The following ANTXR1 variants were observed in gnomAD, a reference collection of about 807,000 sequenced individuals.
ANTXR1 encodes anthrax toxin receptor 1.
A neutral mutation model predicts 78.1 loss-of-function variants in ANTXR1; 19 were observed. That is an observed-to-expected ratio of 0.24 (90% CI 0.17 to 0.36). The LOEUF (loss-of-function observed/expected upper bound fraction) is 0.36. Ranked by LOEUF, ANTXR1 falls within the 10% of genes least tolerant of loss-of-function variation. The pLI, the probability that ANTXR1 is intolerant of heterozygous loss-of-function variation, is 1.00. For missense variants in ANTXR1, 518 were observed against 718.6 expected (o/e 0.72, Z 3.19); for synonymous variants, 273 against 260.5 (o/e 1.05, Z -0.46).
intron 12 of ANTXR1, chr2:69,145,683 GTTTC>G (rs1387171485): frequency 5.4e-5 from 61 of 1,138,614 alleles, no homozygotes; most frequent in Admixed American, 1.8e-4. Context: ...GGATTTCACA[GTTTC>G]TTTATTTTGA....
chr2:69,205,762 C>T (rs1001769548), intron 17 of ANTXR1, among the ~76,000 whole-genome samples: 34 of 152,164 alleles, frequency 2.2e-4, no homozygotes, highest in Admixed American at 7.2e-4. Flanking sequence ...ATGAATCCTC[C>T]GTCTCTTAAT....
intron 4 of ANTXR1, among the ~76,000 whole-genome samples, chr2:69,071,171 T>G (rs532541784): frequency 6.6e-6 from 1 of 152,266 alleles, no homozygotes; most frequent in East Asian, 1.9e-4. Flanking sequence ...AAGACATCAA[T>G]CCATGTTGAC....
intron 12 of ANTXR1, among the ~76,000 whole-genome samples, chr2:69,146,584 GA>G (rs1673231664): frequency 6.6e-6 from 1 of 152,338 alleles, no homozygotes; most frequent in East Asian, 1.9e-4. Context: ...TGCTGGGCTG[GA>G]CAGGTCAGCT....
chr2:69,023,317 G>A (rs1031689785), intron 1 of ANTXR1, among the ~76,000 whole-genome samples: 4 of 152,162 alleles, frequency 2.6e-5, no homozygotes, highest in African/African-American at 9.7e-5. Flanking sequence ...TGATGGTGAT[G>A]GTAGTGGTGA....
intron 17 of ANTXR1, among the ~76,000 whole-genome samples, chr2:69,226,630 G>T (rs952670092): frequency 1.3e-5 from 2 of 152,142 alleles, no homozygotes; most frequent in Non-Finnish European, 2.9e-5. Flanking sequence ...TCCTGGTAAG[G>T]GTTTGTGCAA....
At chr2:69,077,615 A>C in intron 8 of ANTXR1, 127 bp downstream of exon 8, 2 of 1,020,866 alleles carry the variant, frequency 2.0e-6, no homozygotes, top group Non-Finnish European at 3.0e-6. Flanking sequence ...ATTTCTTCCT[A>C]TATCTTTGTG....
chr2:69,148,788 A>G lies in ANTXR1; in HGVS notation c.952-3381A>G, dbSNP rs570151847. 1.8e-4 allele frequency among the ~76,000 whole-genome samples: 27 copies of G among 152,354 alleles called. No individual in the cohort carries two copies. The South Asian group carries it at 5.2e-3, about 29-fold the overall frequency. On this transcript the variant is annotated intron_variant, in intron 12 of 17. Coordinates refer to ENST00000303714, the MANE Select transcript of ANTXR1 (RefSeq NM_032208.3). ...TTGTTCACTACCTGACACAAAAGGT[A>G]CAGGATATACAGCTGTTGAGTAACA... is the stretch of plus-strand genomic sequence containing the variant.
At chr2:69,163,648 G>T (rs914634309) in intron 13 of ANTXR1, among the ~76,000 whole-genome samples, 2 of 152,186 alleles carry the variant, frequency 1.3e-5, no homozygotes, top group Admixed American at 1.3e-4. Context: ...CCTATTGACA[G>T]TGCTATGTAA....
At chr2:69,028,385 T>G (rs1671422816) in intron 1 of ANTXR1, among the ~76,000 whole-genome samples, 1 of 152,220 alleles carries the variant, frequency 6.6e-6, no homozygotes, top group South Asian at 2.1e-4. Context: ...CATTAAATGG[T>G]GAATTTTGAT....
chr2:69,126,704 A>G (rs1400485378), intron 12 of ANTXR1, among the ~76,000 whole-genome samples: 1 of 152,106 alleles, frequency 6.6e-6, no homozygotes, highest in African/African-American at 2.4e-5. Flanking sequence ...CAGGGCTACA[A>G]CTTTAAATCA....
chr2:69,186,519 T>G (rs1196639743), intron 16 of ANTXR1, among the ~76,000 whole-genome samples: 1 of 151,812 alleles, frequency 6.6e-6, no homozygotes, highest in South Asian at 2.1e-4. Flanking sequence ...CTGAAAAGAG[T>G]TGAACTAACA....
At chr2:69,236,357 CAT>C (rs1039482197) in intron 17 of ANTXR1, among the ~76,000 whole-genome samples, 19 of 152,010 alleles carry the variant, frequency 1.2e-4, no homozygotes, top group African/African-American at 1.9e-4. Flanking sequence ...TGTATACACA[CAT>C]ATATCTTTAC....
At chr2:69,149,470 T>A (rs1673327718) in intron 12 of ANTXR1, among the ~76,000 whole-genome samples, 3 of 152,178 alleles carry the variant, frequency 2.0e-5, no homozygotes, top group Admixed American at 2.0e-4. Flanking sequence ...TCCCCCAAAA[T>A]ATATCAGCCC....
chr2:69,182,841 C>G (rs1376631285), intron 16 of ANTXR1, 181 bp downstream of exon 16: 1 of 802,674 alleles, frequency 1.2e-6, no homozygotes, highest in African/African-American at 1.7e-5. Flanking sequence ...TCCACATAAT[C>G]TGGGTTGAAA....
At chr2:69,194,179 A>G (rs1398914851) in intron 17 of ANTXR1, among the ~76,000 whole-genome samples, 1 of 152,244 alleles carries the variant, frequency 6.6e-6, no homozygotes, top group African/African-American at 2.4e-5. Flanking sequence ...CTTACACTGG[A>G]AACAACCTCA....
At chr2:69,034,652 G>A (rs1315141327) in intron 1 of ANTXR1, among the ~76,000 whole-genome samples, 7 of 152,282 alleles carry the variant, frequency 4.6e-5, no homozygotes, top group African/African-American at 9.6e-5. Flanking sequence ...CAGCAGTTAC[G>A]TGTTAAAGGC....
intron 12 of ANTXR1, among the ~76,000 whole-genome samples, chr2:69,141,041 C>T (rs564881774): frequency 6.6e-6 from 1 of 152,334 alleles, no homozygotes; most frequent in African/African-American, 2.4e-5. Flanking sequence ...CCATTGGAAA[C>T]TCCACTTGGG....
intron 1 of ANTXR1, among the ~76,000 whole-genome samples, chr2:69,032,006 A>G (rs1449285754): frequency 6.6e-6 from 1 of 150,490 alleles, no homozygotes; most frequent in Non-Finnish European, 1.5e-5. Flanking sequence ...CCCATTATGT[A>G]TGTAAAGATA....
At chr2:69,225,175 C>T (rs1675412232) in intron 17 of ANTXR1, among the ~76,000 whole-genome samples, 1 of 152,210 alleles carries the variant, frequency 6.6e-6, no homozygotes, top group African/African-American at 2.4e-5. Context: ...AGCACCCTTT[C>T]CCTGGCCTCA....
Sources: gnomAD v4.1 joint callset for allele counts (sites outside exome capture counted in the v4.1 genomes callset) on GRCh38, gnomAD v4.1.1 for gene constraint, MANE v1.5 for transcripts, NCBI Gene and HGNC (gene_info 2026-07-23, HGNC 2026-07-21) for gene names.